The following SYNE1 variants were observed in gnomAD, a reference collection of about 807,000 sequenced individuals.
SYNE1 encodes spectrin repeat containing nuclear envelope protein 1.
In SYNE1, 616 loss-of-function variants were observed where a neutral mutation model predicts 1,111.0. The ratio of observed to expected loss-of-function variants is 0.55; its 90% CI spans 0.52 to 0.59. SYNE1 has a LOEUF of 0.59. SYNE1 is among the 20% of genes least tolerant of loss of function. The pLI is 0.00. For missense variants in SYNE1, 10,006 were observed against 10,417.0 expected (o/e 0.96, Z 1.72); for synonymous variants, 3,855 against 3,825.8 (o/e 1.01, Z -0.28).
At chr6:152,610,979 A>T (rs914415366) in intron 3 of SYNE1, among the ~76,000 whole-genome samples, 87 of 152,216 alleles carry the variant, frequency 5.7e-4, no homozygotes, top group Non-Finnish European at 9.4e-4. Flanking sequence ...CTGCCTTACA[A>T]GAGCTCATGA....
intron 11 of SYNE1, among the ~76,000 whole-genome samples, chr6:152,489,879 G>A (rs1244912604): frequency 1.3e-5 from 2 of 152,144 alleles, no homozygotes; most frequent in Non-Finnish European, 2.9e-5. Flanking sequence ...TGGCTGAGTG[G>A]ATGTGGGGTA....
chr6:152,459,558 C>T (rs1394246955), intron 21 of SYNE1, among the ~76,000 whole-genome samples: 2 of 152,156 alleles, frequency 1.3e-5, no homozygotes, highest in Non-Finnish European at 2.9e-5. Flanking sequence ...GCTCTGTAGT[C>T]CAAACTGATG....
At chr6:152,189,621 T>G (rs796660300) in intron 127 of SYNE1, among the ~76,000 whole-genome samples, 4 of 152,354 alleles carry the variant, frequency 2.6e-5, no homozygotes, top group African/African-American at 9.6e-5. Context: ...CACAAATTTT[T>G]TGGTTTCTCA....
chr6:152,347,875 G>C (rs2096666549), intron 72 of SYNE1, among the ~76,000 whole-genome samples: 1 of 148,926 alleles, frequency 6.7e-6, no homozygotes, highest in African/African-American at 2.5e-5. Context: ...ATTTTTAGTA[G>C]AGATGGAGTT....
At position 152,490,766 on chromosome 6, in the gene SYNE1, C is replaced by T. The variant is rs376784747; in HGVS notation, c.940-2263G>A. The stretch of plus-strand genomic sequence containing the variant: ...GACATTTGGTGCTGAAGATCTGGGA[C>T]AGGGGGATTCCTTCAGGAGACCAGT... On this transcript the variant is annotated intron_variant, in intron 11 of 145. Coordinates refer to ENST00000367255, the MANE Select transcript of SYNE1 (RefSeq NM_182961.4). Among the ~76,000 whole-genome samples, 224 of 152,290 alleles carry T rather than the reference C, an allele frequency of 1.5e-3. 1 individual carries two copies. Among genetic ancestry groups the T allele is most frequent in the African/African-American group, 5.1e-3 (214 of 41,562 alleles).
rs368846118 is a variant in SYNE1, at chr6:152,472,292, T to C, written c.1463+9A>G. The C allele has an allele frequency of 2.8e-5, 45 of 1,601,616 alleles. No homozygotes were observed. In the African/African-American group the frequency reaches 5.4e-4, roughly 19 times the overall value. Reference sequence around the variant, plus strand: ...AAGAGACTTCCTTTAAATGCAGATATTCTCTTACCTCTCGGCCATGTCCTC... The same window carrying C: ...AAGAGACTTCCTTTAAATGCAGATACTCTCTTACCTCTCGGCCATGTCCTC... On this transcript the variant is annotated intron_variant, in intron 15 of 145. Coordinates refer to ENST00000367255, the MANE Select transcript of SYNE1 (RefSeq NM_182961.4).
Position 152,486,835 on chromosome 6 carries a change from A to T in SYNE1, c.1047+1561T>A, listed in dbSNP as rs190097242. 1.5e-3 allele frequency among the ~76,000 whole-genome samples: 224 copies of T among 152,340 alleles called. 1 individual carries two copies. The highest frequency in any genetic ancestry group is 6.1e-3 in the Admixed American group (93 of 15,300). On this transcript the variant is annotated intron_variant, in intron 12 of 145. Transcript: ENST00000367255. ...AATTATATAAAATCACTAATGCCAT[A>T]GATAAATCTTTTGTCTACCATGTTG...
At chr6:152,168,401 A>C in intron 130 of SYNE1, 1 of 560,190 alleles carries the variant, frequency 1.8e-6, no homozygotes, top group Non-Finnish European at 3.2e-6. Context: ...ATTCATTAAC[A>C]TGTGCCAGGC....
At chr6:152,619,541 C>T (rs2099670766) in intron 3 of SYNE1, among the ~76,000 whole-genome samples, 1 of 152,116 alleles carries the variant, frequency 6.6e-6, no homozygotes, top group African/African-American at 2.4e-5. Flanking sequence ...CCTGGCAGAG[C>T]TAATTAAACA....
chr6:152,501,855 T>A (rs2099031761), intron 10 of SYNE1, among the ~76,000 whole-genome samples: 1 of 152,178 alleles, frequency 6.6e-6, no homozygotes, highest in Non-Finnish European at 1.5e-5. Flanking sequence ...TAAATTAATG[T>A]ACATACATAA....
chr6:152,307,579 G>T (rs2095418313), intron 91 of SYNE1, among the ~76,000 whole-genome samples: 1 of 152,112 alleles, frequency 6.6e-6, no homozygotes, highest in South Asian at 2.1e-4. Context: ...GACAGGTCAG[G>T]AAAGGAAATT....
intron 52 of SYNE1, among the ~76,000 whole-genome samples, chr6:152,390,832 T>C (rs563601729): frequency 2.7e-4 from 41 of 152,312 alleles, no homozygotes; most frequent in Non-Finnish European, 5.0e-4. Context: ...TCATTGGCTA[T>C]AGTCTGGGTT....
intron 128 of SYNE1, 97 bp downstream of exon 128, chr6:152,189,155 T>C (rs576759738): frequency 3.1e-5 from 40 of 1,291,592 alleles, no homozygotes; most frequent in Admixed American, 5.1e-5. Flanking sequence ...CTAAGAATTA[T>C]GGGCCGGGTC....
At chr6:152,599,534 A>G (rs2099591159) in intron 3 of SYNE1, among the ~76,000 whole-genome samples, 1 of 152,228 alleles carries the variant, frequency 6.6e-6, no homozygotes, top group African/African-American at 2.4e-5. Context: ...CAAGAGCCAG[A>G]TACATCAGGG....
chr6:152,427,965 C>A, intron 37 of SYNE1, 149 bp from the exon 38 acceptor site: 1 of 1,248,540 alleles, frequency 8.0e-7, no homozygotes, highest in Non-Finnish European at 1.1e-6. Flanking sequence ...AAAATCCCTC[C>A]TTTTATTTTC....
At chr6:152,398,336 T>C (rs889807269) in intron 49 of SYNE1, among the ~76,000 whole-genome samples, 2 of 152,208 alleles carry the variant, frequency 1.3e-5, no homozygotes, top group African/African-American at 4.8e-5. Flanking sequence ...TATACTCTTA[T>C]TGTTATAAAA....
chr6:152,388,272 G>T (rs1269420441), intron 53 of SYNE1, among the ~76,000 whole-genome samples: 30 of 151,012 alleles, frequency 2.0e-4, no homozygotes, highest in Non-Finnish European at 3.2e-4. Flanking sequence ...TTTTGACAGG[G>T]TCTTACTCTG....
In SYNE1 at chr6:152,344,141, G is replaced by T; in HGVS notation, c.12165C>A (p.Val4055=). The T allele has an allele frequency of 6.2e-7, 1 of 1,614,204 alleles. No individual in the cohort carries two copies. Among genetic ancestry groups the T allele is most frequent in the Non-Finnish European group, 8.5e-7 (1 of 1,180,032 alleles). The change falls in exon 74 of 146, where the codon GTC becomes GTA. Residue 4055 remains valine (V), a synonymous_variant. Coordinates refer to ENST00000367255, the MANE Select transcript of SYNE1 (RefSeq NM_182961.4). ...GAGGACTTGGCTCTAAATCCGGCTG[G>T]ACTGCAGAAAGCCAGGCCTGGCACT... ...LQQCQAWLSA[V]QPDLEPSPQP...
intron 91 of SYNE1, 51 bp from the exon 92 acceptor site, chr6:152,302,114 CA>C (rs1240012711): frequency 5.0e-6 from 8 of 1,611,438 alleles, no homozygotes; most frequent in East Asian, 4.5e-5. Context: ...CAAAAGGAAA[CA>C]GAAGTAGTAG....
Sources: gnomAD v4.1 joint callset for allele counts (sites outside exome capture counted in the v4.1 genomes callset) on GRCh38, gnomAD v4.1.1 for gene constraint, MANE v1.5 for transcripts, NCBI Gene and HGNC (gene_info 2026-07-23, HGNC 2026-07-21) for gene names.